The following DAB2IP variants were observed in gnomAD, a reference collection of about 807,000 sequenced individuals.
DAB2IP encodes DAB2 interacting protein.
Under a neutral mutation model 107.2 loss-of-function variants are expected in DAB2IP, and 28 were observed. The observed-to-expected ratio is 0.26, with a 90% CI of 0.19 to 0.36. The LOEUF is 0.36. Ranked by LOEUF, DAB2IP falls within the 10% of genes least tolerant of loss-of-function variation. The pLI is 1.00. For missense variants in DAB2IP, 1,400 were observed against 1,644.7 expected, an observed-to-expected ratio of 0.85 and a Z score of 2.57; for synonymous variants, 755 against 706.4, an observed-to-expected ratio of 1.07 and a Z score of -1.09.
intron 11 of DAB2IP, among the ~76,000 whole-genome samples, chr9:121,771,063 C>T (rs902671913): frequency 6.6e-6 from 1 of 152,174 alleles, no homozygotes; most frequent in Non-Finnish European, 1.5e-5. Context: ...TTCCAGATCC[C>T]CTGATATTTG....
chr9:121,739,688 A>G (rs1832186335), intron 3 of DAB2IP, among the ~76,000 whole-genome samples: 2 of 152,174 alleles, frequency 1.3e-5, no homozygotes, highest in Non-Finnish European at 2.9e-5. Context: ...TCAGACGTGA[A>G]GCTCCGAGAG....
chr9:121,623,968 TA>T (rs1564117921), intron 1 of DAB2IP, among the ~76,000 whole-genome samples: 1 of 152,226 alleles, frequency 6.6e-6, no homozygotes, highest in African/African-American at 2.4e-5. Flanking sequence ...TCCATGTTTG[TA>T]CATTTTCTAA....
chr9:121,663,555 G>A (rs1435687861), intron 1 of DAB2IP, among the ~76,000 whole-genome samples: 1 of 152,196 alleles, frequency 6.6e-6, no homozygotes, highest in Non-Finnish European at 1.5e-5. Context: ...CCCAGCAGCA[G>A]TGGGCAACCT....
intron 3 of DAB2IP, among the ~76,000 whole-genome samples, chr9:121,714,660 T>C (rs1830501418): frequency 6.6e-6 from 1 of 152,128 alleles, no homozygotes; most frequent in Non-Finnish European, 1.5e-5. Context: ...AGCTGAGGGA[T>C]GTAATGGTGA....
intron 1 of DAB2IP, among the ~76,000 whole-genome samples, chr9:121,669,360 T>C (rs1256282262): frequency 6.6e-6 from 1 of 152,222 alleles, no homozygotes; most frequent in Admixed American, 6.5e-5. Context: ...ATCCTCCAGC[T>C]GCAGTTGCCC....
At chr9:121,578,621 AC>A (rs201812708) in intron 1 of DAB2IP, among the ~76,000 whole-genome samples, 1,681 of 132,678 alleles carry the variant, frequency 0.013, 26 homozygotes, top group African/African-American at 0.043. Context: ...CTGTATGAGG[AC>A]CCCCCCATCG....
intron 3 of DAB2IP, among the ~76,000 whole-genome samples, chr9:121,716,132 C>G (rs1216423840): frequency 1.3e-5 from 2 of 152,212 alleles, no homozygotes; most frequent in Non-Finnish European, 2.9e-5. Flanking sequence ...GAGACCCACT[C>G]AAGTGTTGAG....
chr9:121,580,915 G>A (rs944068841), intron 1 of DAB2IP, among the ~76,000 whole-genome samples: 5 of 152,202 alleles, frequency 3.3e-5, no homozygotes, highest in South Asian at 2.1e-4. Flanking sequence ...GTGAGCCACC[G>A]CGCCTGGCCG....
chr9:121,629,571 T>C (rs1186381493), intron 1 of DAB2IP, among the ~76,000 whole-genome samples: 1 of 152,148 alleles, frequency 6.6e-6, no homozygotes, highest in Non-Finnish European at 1.5e-5. Flanking sequence ...TCAGCTTTGC[T>C]CTTTCTGAAC....
chr9:121,674,142 T>C (rs1375012324), intron 1 of DAB2IP, among the ~76,000 whole-genome samples: 1 of 152,116 alleles, frequency 6.6e-6, no homozygotes, highest in Non-Finnish European at 1.5e-5. Context: ...GTCCAGAAGA[T>C]AGGGTCATCC....
rs1418565418 is a variant in DAB2IP, at chr9:121,701,721, C to G, written c.362+2263C>G. The stretch of plus-strand genomic sequence containing the variant: ...CTCTGGGGCTGTCCCTGGAGTCATC[C>G]TATTTGGAGTTCAGTGAGTAAAAAC... On this transcript the variant is annotated intron_variant, in intron 3 of 15. Transcript: ENST00000408936. The surrounding 1 kb of genome is among the most constrained non-coding windows in gnomAD (Gnocchi z 4.7). Among the ~76,000 whole-genome samples, 2 of 152,134 alleles carry G rather than the reference C, an allele frequency of 1.3e-5. No individual in the cohort carries two copies. The highest frequency in any genetic ancestry group is 4.8e-5 in the African/African-American group (2 of 41,428).
chr9:121,737,383 G>A, intron 3 of DAB2IP: 3 of 985,438 alleles, frequency 3.0e-6, no homozygotes, highest in Non-Finnish European at 3.6e-6. Context: ...GTTTATTTAA[G>A]TCATTTTTGA....
At chr9:121,627,144 C>T (rs1229208724) in intron 1 of DAB2IP, among the ~76,000 whole-genome samples, 2 of 76,808 alleles carry the variant, frequency 2.6e-5, no homozygotes, top group Non-Finnish European at 6.4e-5. Flanking sequence ...CACACACTCA[C>T]ACACACACAC....
intron 6 of DAB2IP, 131 bp from the exon 7 acceptor site, chr9:121,763,374 T>C: frequency 7.5e-7 from 1 of 1,327,626 alleles, no homozygotes; most frequent in Non-Finnish European, 1.0e-6. Context: ...ACTGTTCCTC[T>C]CCGGGACCCC....
chr9:121,599,117 C>A lies in DAB2IP; in HGVS notation c.40+31889C>A, dbSNP rs1338550411. Among the ~76,000 whole-genome samples the A allele has an allele frequency of 6.6e-6, 1 of 152,170 alleles. No individual in the cohort carries two copies. Among genetic ancestry groups the A allele is most frequent in the Non-Finnish European group, 1.5e-5 (1 of 68,022 alleles). ...GGGCGCACATAAAAGTTTAAGGGGTCAGCGGATGCGGGAAGATTCTAGCGG... is the reference window on the plus strand; with the variant it reads ...GGGCGCACATAAAAGTTTAAGGGGTAAGCGGATGCGGGAAGATTCTAGCGG... On this transcript the variant is annotated intron_variant, in intron 1 of 16. Transcript: ENST00000259371. This position sits in a 1 kb window ranked among gnomAD's most constrained non-coding sequence, Gnocchi z 6.9.
intron 1 of DAB2IP, among the ~76,000 whole-genome samples, chr9:121,637,661 C>A (rs1366620825): frequency 6.6e-6 from 1 of 152,132 alleles, no homozygotes; most frequent in African/African-American, 2.4e-5. Flanking sequence ...TGAAATGACC[C>A]CTTGGAATTC....
intron 1 of DAB2IP, among the ~76,000 whole-genome samples, chr9:121,569,550 T>C (rs919761897): frequency 7.2e-5 from 11 of 152,338 alleles, no homozygotes; most frequent in Non-Finnish European, 1.5e-4. Flanking sequence ...CTGGGCGCAG[T>C]GGCTCATGCC....
upstream of DAB2IP, among the ~76,000 whole-genome samples, chr9:121,646,791 C>T (rs1832554931): frequency 6.6e-6 from 1 of 152,052 alleles, no homozygotes; most frequent in Non-Finnish European, 1.5e-5. Flanking sequence ...AGACTGTTTC[C>T]ACTCCCCCGT....
At chr9:121,618,597 GT>G (rs1831357705) in intron 1 of DAB2IP, among the ~76,000 whole-genome samples, 2 of 152,190 alleles carry the variant, frequency 1.3e-5, no homozygotes, top group African/African-American at 4.8e-5. Context: ...CTGACCTCAG[GT>G]GAGCCTCCCA....
Sources: gnomAD v4.1 joint callset for allele counts (sites outside exome capture counted in the v4.1 genomes callset) on GRCh38, gnomAD v4.1.1 for gene constraint, Gnocchi (gnomAD v3.1) non-coding constraint, MANE v1.5 for transcripts, NCBI Gene and HGNC (gene_info 2026-07-23, HGNC 2026-07-21) for gene names.